ANO6: variants seen among roughly 807,000 people sequenced by gnomAD.
The protein encoded by ANO6 is anoctamin-6.
ANO6 carries 106 observed loss-of-function variants against 117.5 expected under a neutral mutation model. The ratio of observed to expected loss-of-function variants is 0.90; its 90% CI spans 0.77 to 1.06. ANO6 has a LOEUF of 1.06. ANO6 is among the 50% of genes least tolerant of loss of function. ANO6 has a pLI of 0.00. For synonymous variants in ANO6, 367 were observed against 385.1 expected, an observed-to-expected ratio of 0.95 and a Z score of 0.55; for missense variants, 955 against 1,121.1, an observed-to-expected ratio of 0.85 and a Z score of 2.12.
At chr12:45,257,142 C>T (rs929615456) in intron 1 of ANO6, among the ~76,000 whole-genome samples, 1 of 152,164 alleles carries the variant, frequency 6.6e-6, no homozygotes, top group Non-Finnish European at 1.5e-5. Flanking sequence ...GTGCCTGCTT[C>T]GTCTGTTCAA....
intron 3 of ANO6, among the ~76,000 whole-genome samples, chr12:45,339,295 G>A (rs1306360608): frequency 6.6e-6 from 1 of 152,042 alleles, no homozygotes; most frequent in Non-Finnish European, 1.5e-5. Flanking sequence ...CAGGGGAGAG[G>A]TTCAAGAATC....
At position 45,302,082 on chromosome 12, in the gene ANO6, A is replaced by G. The variant is rs1271693493; in HGVS notation, c.139A>G (p.Thr47Ala). Reference sequence around the variant, plus strand: ...ACTGGAAAGTCAGCATGATTTTCGAACCCCGGAGTTTGTGAGTACTATTCC... The same window carrying G: ...ACTGGAAAGTCAGCATGATTTTCGAGCCCCGGAGTTTGTGAGTACTATTCC... ...GSLESQHDFR[T>A]PEFEEFNGKP... Residue 47 changes from threonine to alanine, a missense_variant, in exon 2 of 20, where the codon ACC (threonine) becomes GCC (alanine). Coordinates refer to ENST00000320560, the MANE Select transcript of ANO6 (RefSeq NM_001025356.3). 5.0e-6 allele frequency: 8 copies of G among 1,613,900 alleles called. No homozygotes were observed. The East Asian group carries it at 1.6e-4, about 31-fold the overall frequency.
chr12:45,382,000 G>A (rs1942181110), intron 10 of ANO6, among the ~76,000 whole-genome samples: 1 of 151,796 alleles, frequency 6.6e-6, no homozygotes, highest in Non-Finnish European at 1.5e-5. Context: ...TGACACTCAG[G>A]AAGATTAAGC....
chr12:45,423,970 C>T (rs1943430485), intron 19 of ANO6, among the ~76,000 whole-genome samples: 1 of 151,782 alleles, frequency 6.6e-6, no homozygotes, highest in African/African-American at 2.4e-5. Context: ...TAAAACCAAT[C>T]AGCAGAGAAG....
chr12:45,318,921 G>C (rs1266781755), intron 2 of ANO6, among the ~76,000 whole-genome samples: 5 of 152,122 alleles, frequency 3.3e-5, no homozygotes, highest in Non-Finnish European at 7.4e-5. Flanking sequence ...CTCTCTGTCT[G>C]TTATTGGTGT....
intron 19 of ANO6, among the ~76,000 whole-genome samples, chr12:45,426,611 G>C (rs1943509489): frequency 6.6e-6 from 1 of 152,024 alleles, no homozygotes; most frequent in African/African-American, 2.4e-5. Flanking sequence ...AAAAATCTGA[G>C]TCAAATTTTT....
chr12:45,412,184 C>T (rs775154715), intron 16 of ANO6, among the ~76,000 whole-genome samples: 17 of 152,104 alleles, frequency 1.1e-4, no homozygotes, highest in Non-Finnish European at 2.4e-4. Flanking sequence ...ACATAATAAA[C>T]GTAGTTGTCT....
At chr12:45,354,215 A>G (rs532011370) in intron 7 of ANO6, among the ~76,000 whole-genome samples, 1 of 145,256 alleles carries the variant, frequency 6.9e-6, no homozygotes, top group African/African-American at 2.9e-5. Flanking sequence ...GGACAAAGCA[A>G]AGATCCTGCT....
intron 17 of ANO6, among the ~76,000 whole-genome samples, chr12:45,419,705 G>C (rs1943307805): frequency 6.6e-6 from 1 of 152,078 alleles, no homozygotes; most frequent in African/African-American, 2.4e-5. Flanking sequence ...TCATTTAGCT[G>C]TTTTATTCAC....
intron 10 of ANO6, among the ~76,000 whole-genome samples, chr12:45,384,571 T>G (rs2137564839): frequency 6.6e-6 from 1 of 152,246 alleles, no homozygotes. Context: ...TCTCAAAGAA[T>G]AGAGAGGCCA....
chr12:45,301,866 A>G, intron 1 of ANO6, 148 bp from the exon 2 acceptor site: 2 of 690,068 alleles, frequency 2.9e-6, no homozygotes, highest in South Asian at 1.7e-5. Flanking sequence ...ATTTTTTAAT[A>G]TATCTGATAG....
intron 1 of ANO6, among the ~76,000 whole-genome samples, chr12:45,234,835 C>T (rs1338622775): frequency 6.6e-6 from 1 of 150,410 alleles, no homozygotes; most frequent in Non-Finnish European, 1.5e-5. Flanking sequence ...CATTTACTAT[C>T]AGTCCAGCAG....
chr12:45,413,406 C>T (rs765656137), intron 16 of ANO6, among the ~76,000 whole-genome samples: 2 of 152,226 alleles, frequency 1.3e-5, no homozygotes, highest in Admixed American at 6.5e-5. Context: ...AGGAGCTGTT[C>T]TCTAGGAAAT....
chr12:45,223,474 G>A (rs562644561), intron 1 of ANO6, among the ~76,000 whole-genome samples: 5 of 152,116 alleles, frequency 3.3e-5, no homozygotes, highest in African/African-American at 1.2e-4. Context: ...AAAACACTTA[G>A]TGTTTTTCTG....
At chr12:45,369,731 T>A (rs933610088) in intron 9 of ANO6, among the ~76,000 whole-genome samples, 6 of 152,210 alleles carry the variant, frequency 3.9e-5, no homozygotes, top group Admixed American at 3.9e-4. Flanking sequence ...ATCTTTCTTT[T>A]GGAAAGAGTA....
rs138812583 is a variant in ANO6, at chr12:45,246,970, C to T, written c.70+30579C>T. ...TTTTTGAGACAGAGTTTCGCTCTGT[C>T]GCCCAGGCTGGAGTGCAGTGGCGTG... is the stretch of plus-strand genomic sequence containing the variant. On this transcript the variant is annotated intron_variant, in intron 1 of 19. Coordinates refer to ENST00000320560, the MANE Select transcript of ANO6 (RefSeq NM_001025356.3). 6.3e-3 allele frequency among the ~76,000 whole-genome samples: 947 copies of T among 151,360 alleles called. 5 individuals carry two copies. The highest frequency in any genetic ancestry group is 9.4e-3 in the Non-Finnish European group (637 of 67,814).
intron 1 of ANO6, among the ~76,000 whole-genome samples, chr12:45,241,398 C>T (rs1475701224): frequency 1.3e-5 from 2 of 152,158 alleles, no homozygotes; most frequent in African/African-American, 2.4e-5. Flanking sequence ...TTTTCGGCTC[C>T]ATCAGGTCAT....
chr12:45,219,182 C>T (rs2137115327), intron 1 of ANO6, among the ~76,000 whole-genome samples: 1 of 151,974 alleles, frequency 6.6e-6, no homozygotes, highest in Non-Finnish European at 1.5e-5. Flanking sequence ...ACCTCCCCCT[C>T]CCCCCAAAAA....
At chr12:45,349,849 G>A (rs572923516) in intron 6 of ANO6, among the ~76,000 whole-genome samples, 13 of 152,300 alleles carry the variant, frequency 8.5e-5, no homozygotes, top group Admixed American at 8.5e-4. Flanking sequence ...GAATTTTGAG[G>A]CCACTTGCAA....
Sources: gnomAD v4.1 joint callset for allele counts (sites outside exome capture counted in the v4.1 genomes callset) on GRCh38, gnomAD v4.1.1 for gene constraint, MANE v1.5 for transcripts, NCBI Gene and HGNC (gene_info 2026-07-23, HGNC 2026-07-21) for gene names.